Variants in CNTN1 observed in about 807,000 individuals in gnomAD.
The protein encoded by CNTN1 is contactin-1.
A neutral mutation model predicts 126.4 loss-of-function variants in CNTN1; 38 were observed. The ratio of observed to expected loss-of-function variants is 0.30; its 90% CI spans 0.23 to 0.39. The LOEUF is 0.39. CNTN1 is among the 10% of genes least tolerant of loss of function. CNTN1 has a pLI of 1.00. For missense variants in CNTN1, 1,009 were observed against 1,248.4 expected (o/e 0.81, Z 2.89); for synonymous variants, 413 against 422.6 (o/e 0.98, Z 0.28).
chr12:40,835,928 A>G (rs1338562987), intron 1 of CNTN1, among the ~76,000 whole-genome samples: 1 of 151,632 alleles, frequency 6.6e-6, no homozygotes, highest in East Asian at 1.9e-4. Context: ...TACAAGGATA[A>G]ATAAGATATG....
At chr12:41,028,976 A>G (rs1400084378) in intron 22 of CNTN1, 87 bp from the exon 23 acceptor site, 3 of 1,267,652 alleles carry the variant, frequency 2.4e-6, no homozygotes, top group African/African-American at 3.0e-5. Flanking sequence ...TAATCAAAGT[A>G]TAAGCATTTT....
chr12:40,921,143 C>A (rs74574963), intron 4 of CNTN1, among the ~76,000 whole-genome samples: 2,922 of 152,246 alleles, frequency 0.019, 90 homozygotes, highest in African/African-American at 0.066. Flanking sequence ...TCACAGTTTT[C>A]TATACTTGCT....
chr12:40,948,187 CT>C (rs1946505954), intron 14 of CNTN1, among the ~76,000 whole-genome samples: 1 of 147,862 alleles, frequency 6.8e-6, no homozygotes. Flanking sequence ...GTTATTAATA[CT>C]TTTTATAAGA....
chr12:41,006,782 T>A (rs1490727290), intron 17 of CNTN1, among the ~76,000 whole-genome samples: 1 of 152,214 alleles, frequency 6.6e-6, no homozygotes, highest in Non-Finnish European at 1.5e-5. Flanking sequence ...TATGTCAGAC[T>A]GAGTCAAAGC....
At chr12:41,007,045 GTTTTTTTTTTTTTTTT>G (rs71078294) in intron 17 of CNTN1, among the ~76,000 whole-genome samples, 2 of 69,244 alleles carry the variant, frequency 2.9e-5, no homozygotes, top group African/African-American at 6.2e-5. Flanking sequence ...GTTTTGTGTG[GTTTTTTTTTTTTTTTT>G]TTTTTTTTTT....
chr12:40,897,308 T>A (rs547031226), intron 1 of CNTN1, among the ~76,000 whole-genome samples: 2 of 152,286 alleles, frequency 1.3e-5, no homozygotes, highest in African/African-American at 4.8e-5. Flanking sequence ...GTGGAAGGGA[T>A]CAAAAGGTAG....
intron 1 of CNTN1, among the ~76,000 whole-genome samples, chr12:40,826,474 G>A (rs909747896): frequency 4.6e-5 from 7 of 152,146 alleles, no homozygotes; most frequent in Non-Finnish European, 8.8e-5. Flanking sequence ...GTGGCACATG[G>A]AATACATAAT....
At chr12:41,066,256 G>A (rs1950047487) in intron 23 of CNTN1, among the ~76,000 whole-genome samples, 1 of 152,146 alleles carries the variant, frequency 6.6e-6, no homozygotes, top group African/African-American at 2.4e-5. Flanking sequence ...GTAATCATAG[G>A]AAGGTATAAC....
intron 17 of CNTN1, chr12:41,004,976 C>A (rs576996838): frequency 6.6e-6 from 1 of 152,064 alleles, no homozygotes; most frequent in Non-Finnish European, 1.5e-5. Context: ...GTCATTATGA[C>A]GTTAGCTGGT....
chr12:40,910,665 C>G (rs1944993098), intron 3 of CNTN1, among the ~76,000 whole-genome samples: 1 of 152,194 alleles, frequency 6.6e-6, no homozygotes, highest in African/African-American at 2.4e-5. Flanking sequence ...GCATTTTCAG[C>G]TCAGTACTTA....
intron 15 of CNTN1, 69 bp from the exon 16 acceptor site, chr12:40,980,840 T>G (rs535181650): frequency 7.1e-7 from 1 of 1,411,342 alleles, no homozygotes; most frequent in East Asian, 2.3e-5. Flanking sequence ...GAAGACATTT[T>G]TATATTCTAA....
intron 1 of CNTN1, among the ~76,000 whole-genome samples, chr12:40,759,214 GTTTTAT>G (rs2136412390): frequency 6.6e-6 from 1 of 151,964 alleles, no homozygotes; most frequent in African/African-American, 2.4e-5. Flanking sequence ...AAGTATTCAG[GTTTTAT>G]AGCAAAAGTT....
chr12:40,723,527 G>A (rs575790121), intron 1 of CNTN1, among the ~76,000 whole-genome samples: 2 of 152,286 alleles, frequency 1.3e-5, no homozygotes, highest in Admixed American at 1.3e-4. Context: ...AGCTTTGAAA[G>A]AATATATACT....
At chr12:40,736,152 C>T (rs1324332057) in intron 1 of CNTN1, among the ~76,000 whole-genome samples, 1 of 151,992 alleles carries the variant, frequency 6.6e-6, no homozygotes, top group African/African-American at 2.4e-5. Context: ...TATTCGGACA[C>T]ACACAGACAC....
intron 1 of CNTN1, among the ~76,000 whole-genome samples, chr12:40,706,271 CT>C (rs1941739724): frequency 7.8e-6 from 1 of 128,456 alleles, no homozygotes; most frequent in Non-Finnish European, 1.6e-5. Context: ...CCCCCCTCCC[CT>C]GATGCTTTAA....
chr12:41,053,364 G>A (rs1454684820), intron 23 of CNTN1, among the ~76,000 whole-genome samples: 1 of 139,804 alleles, frequency 7.2e-6, no homozygotes, highest in Non-Finnish European at 1.5e-5. Flanking sequence ...TGAATTTGAT[G>A]TAGAGGAAAA....
chr12:40,851,150 G>C (rs1036186997), intron 1 of CNTN1, among the ~76,000 whole-genome samples: 2 of 152,156 alleles, frequency 1.3e-5, no homozygotes, highest in Non-Finnish European at 2.9e-5. Context: ...TCTGATAGTG[G>C]TAGTAATTGG....
rs1057179967 is a variant in CNTN1, at chr12:41,026,062, G to T, written c.2710+726G>T. ...ATGTAGTGACAAGAACTAGAATTTG[G>T]TGTCTAACATGTGTTTGAGATCTGT... On this transcript the variant is annotated intron_variant, in intron 21 of 23. Transcript: ENST00000551295. 6.6e-5 allele frequency among the ~76,000 whole-genome samples: 10 copies of T among 152,274 alleles called. No homozygotes were observed. In the East Asian group the frequency reaches 1.7e-3, roughly 26 times the overall value.
intron 1 of CNTN1, among the ~76,000 whole-genome samples, chr12:40,748,254 T>C (rs1938263264): frequency 6.6e-6 from 1 of 152,030 alleles, no homozygotes; most frequent in African/African-American, 2.4e-5. Context: ...GTCTGTAGGG[T>C]TGAAGAAGGT....
Sources: allele counts gnomAD v4.1 joint callset (sites outside exome capture counted in the v4.1 genomes callset), GRCh38; gene constraint gnomAD v4.1.1; transcripts MANE v1.5; gene names NCBI Gene and HGNC (gene_info 2026-07-23, HGNC 2026-07-21).